Variants in FRAS1 observed in about 807,000 individuals in gnomAD.
The protein encoded by FRAS1 is extracellular matrix organizing protein FRAS1.
In FRAS1, 290 loss-of-function variants were observed where a neutral mutation model predicts 435.2. The observed-to-expected ratio is 0.67, with a 90% CI of 0.61 to 0.73. FRAS1 has a LOEUF of 0.73. Among genes scored for constraint, FRAS1 ranks in the 30% least tolerant of loss-of-function variants. The pLI, the probability that FRAS1 is intolerant of heterozygous loss-of-function variation, is 0.00. For missense variants in FRAS1, 4,860 were observed against 5,001.5 expected (o/e 0.97, Z 0.85); for synonymous variants, 1,800 against 1,851.0 (o/e 0.97, Z 0.71).
chr4:78,202,848 T>G (rs1560578736), intron 2 of FRAS1, among the ~76,000 whole-genome samples: 1 of 152,256 alleles, frequency 6.6e-6, no homozygotes, highest in African/African-American at 2.4e-5. Flanking sequence ...ATCTATGCAC[T>G]GACTGGCCCT....
At chr4:78,117,119 G>C (rs978367613) in intron 2 of FRAS1, among the ~76,000 whole-genome samples, 1 of 152,218 alleles carries the variant, frequency 6.6e-6, no homozygotes. Flanking sequence ...TGAAATTCTG[G>C]GTTGAAAATG....
At chr4:78,443,350 C>T (rs950915153) in intron 41 of FRAS1, among the ~76,000 whole-genome samples, 10 of 152,054 alleles carry the variant, frequency 6.6e-5, no homozygotes, top group Admixed American at 2.0e-4. Flanking sequence ...AGAGGGAAAC[C>T]GTACCTCAAA....
At chr4:78,329,601 G>C (rs377705010) in intron 18 of FRAS1, among the ~76,000 whole-genome samples, 2 of 152,222 alleles carry the variant, frequency 1.3e-5, no homozygotes, top group Non-Finnish European at 2.9e-5. Context: ...AAGACAGTCT[G>C]TTATGTGGCT....
chr4:78,461,877 A>G (rs1289234850), intron 47 of FRAS1, among the ~76,000 whole-genome samples: 1 of 152,228 alleles, frequency 6.6e-6, no homozygotes, highest in African/African-American at 2.4e-5. Flanking sequence ...ATATAATTCT[A>G]TTTATTAAAA....
chr4:78,200,644 G>A (rs865965545), intron 2 of FRAS1, among the ~76,000 whole-genome samples: 11 of 151,790 alleles, frequency 7.2e-5, no homozygotes, highest in African/African-American at 2.4e-4. Flanking sequence ...GTTTGTTCTG[G>A]GCCCTGTATT....
chr4:78,196,831 T>C (rs187467796), intron 2 of FRAS1, among the ~76,000 whole-genome samples: 1 of 152,046 alleles, frequency 6.6e-6, no homozygotes, highest in African/African-American at 2.4e-5. Flanking sequence ...TTTGTGGGGC[T>C]TGAATGAGAT....
intron 66 of FRAS1, among the ~76,000 whole-genome samples, chr4:78,518,765 A>T (rs1721296236): frequency 6.6e-6 from 1 of 152,156 alleles, no homozygotes; most frequent in South Asian, 2.1e-4. Context: ...TGAGCTGTCC[A>T]TTGGTGAGCT....
At chr4:78,260,311 C>A (rs1426879192) in intron 6 of FRAS1, among the ~76,000 whole-genome samples, 1 of 151,850 alleles carries the variant, frequency 6.6e-6, no homozygotes, top group Non-Finnish European at 1.5e-5. Flanking sequence ...CCATTTTCAC[C>A]ATATTGATTC....
At chr4:78,324,127 C>G (rs1034358579) in intron 18 of FRAS1, among the ~76,000 whole-genome samples, 1 of 152,056 alleles carries the variant, frequency 6.6e-6, no homozygotes, top group African/African-American at 2.4e-5. Flanking sequence ...AAAACATCCT[C>G]GTTTTTGTTT....
At chr4:78,095,492 T>G (rs1741754855) in intron 2 of FRAS1, among the ~76,000 whole-genome samples, 1 of 152,212 alleles carries the variant, frequency 6.6e-6, no homozygotes, top group Non-Finnish European at 1.5e-5. Flanking sequence ...CCCAAATTCA[T>G]GTGCTGAAGT....
At chr4:78,507,348 T>G (rs1239232914) in intron 61 of FRAS1, 73 bp from the exon 62 acceptor site, 1 of 1,302,198 alleles carries the variant, frequency 7.7e-7, no homozygotes, top group African/African-American at 1.5e-5. Context: ...GTCTCAGCAG[T>G]GCCAAGCTGC....
intron 26 of FRAS1, among the ~76,000 whole-genome samples, chr4:78,377,222 T>A: frequency 6.6e-6 from 1 of 152,194 alleles, no homozygotes; most frequent in East Asian, 1.9e-4. Context: ...TTAACACTCA[T>A]ATTCAATCAT....
intron 2 of FRAS1, among the ~76,000 whole-genome samples, chr4:78,092,651 C>T (rs1741591537): frequency 6.6e-6 from 1 of 152,166 alleles, no homozygotes; most frequent in Non-Finnish European, 1.5e-5. Context: ...AGAGCCAAAC[C>T]ATATCATAGG....
At chr4:78,251,930 A>C (rs2110132721) in intron 4 of FRAS1, among the ~76,000 whole-genome samples, 1 of 152,032 alleles carries the variant, frequency 6.6e-6, no homozygotes, top group South Asian at 2.1e-4. Context: ...AGAGAGAGAG[A>C]GAGAGAGACA....
chr4:78,136,844 G>A (rs1405846523), intron 2 of FRAS1, among the ~76,000 whole-genome samples: 1 of 152,194 alleles, frequency 6.6e-6, no homozygotes, highest in Non-Finnish European at 1.5e-5. Context: ...CTTCCAGTGT[G>A]AGCTTCCCCA....
At chr4:78,504,512 A>G (rs10033081) in intron 61 of FRAS1, among the ~76,000 whole-genome samples, 49,776 of 151,714 alleles carry the variant, frequency 0.33, 8,835 homozygotes, top group South Asian at 0.52. Flanking sequence ...TTGGTTTAAA[A>G]TCTGTTTTAT....
In FRAS1 at chr4:78,444,080, C is replaced by T. The variant is rs995342440; in HGVS notation, c.5666-1442C>T. On this transcript the variant is annotated intron_variant, in intron 41 of 73. Coordinates refer to ENST00000512123, the MANE Select transcript of FRAS1 (RefSeq NM_025074.7). ...AAGTTGCCTAGTCTGGTCTTGAAGT[C>T]CTGGGCTCAAGCAATCCTCCTGCCT... The T allele has an allele frequency of 6.9e-6, 3 of 433,454 alleles. No homozygotes were observed. The East Asian group carries it at 2.2e-4, about 32-fold the overall frequency. 26.9% of individuals were successfully genotyped at this position (433,454 alleles called of 1,614,324 possible).
chr4:78,174,373 T>G (rs150684753), intron 2 of FRAS1, among the ~76,000 whole-genome samples: 70 of 152,332 alleles, frequency 4.6e-4, no homozygotes, highest in Non-Finnish European at 8.2e-4. Context: ...TTGAATGCCA[T>G]TTGAATATAC....
Position 78,407,860 on chromosome 4 carries a change from CTTTTCTGAA to C in FRAS1, c.4308+20_4308+28del, listed in dbSNP as rs1733164153. The C allele has an allele frequency of 6.4e-7, 1 of 1,570,434 alleles. No individual in the cohort carries two copies. The highest frequency in any genetic ancestry group is 8.6e-7 in the Non-Finnish European group (1 of 1,156,868). ...CTTCGAGGTACCCTCTGCTTCCTGA[CTTTTCTGAA>C]GTCTGATGAATCCAATAATCCAATC... On this transcript the variant is annotated intron_variant, in intron 31 of 73. Coordinates refer to ENST00000512123, the MANE Select transcript of FRAS1 (RefSeq NM_025074.7).
Sources: gnomAD v4.1 joint callset for allele counts (sites outside exome capture counted in the v4.1 genomes callset) on GRCh38, gnomAD v4.1.1 for gene constraint, MANE v1.5 for transcripts, NCBI Gene and HGNC (gene_info 2026-07-23, HGNC 2026-07-21) for gene names.